APAF1: variants seen among roughly 807,000 people sequenced by gnomAD.
The protein encoded by APAF1 is apoptotic peptidase activating factor 1.
A neutral mutation model predicts 152.4 loss-of-function variants in APAF1; 91 were observed. The observed-to-expected ratio is 0.60, with a 90% CI of 0.50 to 0.71. The LOEUF (loss-of-function observed/expected upper bound fraction) is 0.71. APAF1 is among the 30% of genes least tolerant of loss of function. APAF1 has a pLI of 0.00. For synonymous variants in APAF1, 484 were observed against 494.1 expected, an observed-to-expected ratio of 0.98 and a Z score of 0.27; for missense variants, 1,283 against 1,472.0, an observed-to-expected ratio of 0.87 and a Z score of 2.10.
intron 16 of APAF1, among the ~76,000 whole-genome samples, chr12:98,692,144 G>A (rs2097704926): frequency 3.3e-5 from 5 of 151,848 alleles, no homozygotes; most frequent in South Asian, 2.1e-4. Flanking sequence ...GTGCAGTGGC[G>A]CGATCTCGGC....
intron 16 of APAF1, among the ~76,000 whole-genome samples, chr12:98,692,797 G>T (rs1386078850): frequency 6.6e-6 from 1 of 152,092 alleles, no homozygotes; most frequent in Non-Finnish European, 1.5e-5. Context: ...TCCGTTGATG[G>T]GCACCTAGGT....
Position 98,732,819 on chromosome 12 carries a change from CTTG to C in APAF1, c.*258_*260del, listed in dbSNP as rs1184165863. 3 of 428,990 alleles carry C rather than the reference CTTG, an allele frequency of 7.0e-6. No homozygotes were observed. The highest frequency in any genetic ancestry group is 9.7e-5 in the East Asian group (2 of 20,658). The allele number at this position is 428,990 out of a possible 1,614,324, so 26.6% of individuals were successfully genotyped here. ...TGCAAATGAAAATGTGAATACATAC[CTTG>C]TTGTACTGTTGGTAAAATTCTGTCT... is the stretch of plus-strand genomic sequence containing the variant. On this transcript the variant is annotated 3_prime_UTR_variant, in exon 27 of 27. Transcript: ENST00000551964.
In APAF1 at chr12:98,649,485, A is replaced by G. The variant is rs1230248727; in HGVS notation, c.329-2A>G. 6.2e-7 allele frequency: 1 copy of G among 1,613,992 alleles called. No individual in the cohort carries two copies. Among genetic ancestry groups the G allele is most frequent in the Non-Finnish European group, 8.5e-7 (1 of 1,179,888 alleles). ...TCATGCTTGTTTTGTTTTGGATTTT[A>G]GTAAGGACAGTCCTGTGTGAAGGTG... On this transcript the variant is annotated splice_acceptor_variant, in intron 3 of 26. Transcript: ENST00000551964. LOFTEE classifies it high-confidence loss of function.
At chr12:98,710,596 T>G (rs2097726920) in intron 20 of APAF1, among the ~76,000 whole-genome samples, 2 of 152,154 alleles carry the variant, frequency 1.3e-5, no homozygotes, top group South Asian at 2.1e-4. Flanking sequence ...CAAAAAATTT[T>G]TTTTTGTAGA....
At chr12:98,723,513 A>G in intron 23 of APAF1, 126 bp from the exon 24 acceptor site, 5 of 1,019,388 alleles carry the variant, frequency 4.9e-6, no homozygotes, top group South Asian at 1.5e-5. Context: ...TTTAAAGTAA[A>G]GGGGTCAGAA....
At chr12:98,708,437 A>C (rs1458349563) in intron 19 of APAF1, 148 bp from the exon 20 acceptor site, 2 of 826,910 alleles carry the variant, frequency 2.4e-6, no homozygotes, top group Admixed American at 5.4e-5. Context: ...AGATTGTGTT[A>C]GTAAATATTT....
Position 98,727,240 on chromosome 12 carries a change from C to A in APAF1, c.3524C>A (p.Thr1175Asn). 6.2e-7 allele frequency: 1 copy of A among 1,614,096 alleles called. No individual in the cohort carries two copies. Among genetic ancestry groups the A allele is most frequent in the Non-Finnish European group, 8.5e-7 (1 of 1,179,968 alleles). Residue 1175 changes from threonine to asparagine, a missense_variant, in exon 26 of 27, where the codon ACC (threonine) becomes AAC (asparagine). Transcript: ENST00000551964. The stretch of plus-strand genomic sequence containing the variant: ...CCGCTTTCAGAAGAAGGAGCTGCTA[C>A]CCATGGAGGCTGGGTGACTGACCTT... Reference protein sequence around the residue: ...CAPLSEEGAATHGGWVTDLCF... With the variant: ...CAPLSEEGAANHGGWVTDLCF...
At chr12:98,672,919 C>T (rs1242138334) in intron 12 of APAF1, among the ~76,000 whole-genome samples, 2 of 151,394 alleles carry the variant, frequency 1.3e-5, no homozygotes, top group African/African-American at 2.4e-5. Flanking sequence ...CACGCCTGGC[C>T]GATTTTGTAT....
chr12:98,727,277 A>G lies in APAF1; in HGVS notation c.3561A>G (p.Pro1187=). Residue 1187 remains proline, a synonymous_variant, in exon 26 of 27, where the codon CCA becomes CCG. Coordinates refer to ENST00000551964, the MANE Select transcript of APAF1 (RefSeq NM_181861.2). ...GGWVTDLCFS[P]DGKMLISAGG... is the part of the protein sequence containing the mutation. Reference sequence around the variant, plus strand: ...GGGTGACTGACCTTTGCTTTTCTCCAGATGGCAAAATGCTTATCTCTGCTG... The same window carrying G: ...GGGTGACTGACCTTTGCTTTTCTCCGGATGGCAAAATGCTTATCTCTGCTG... The G allele has an allele frequency of 6.2e-7, 1 of 1,614,204 alleles. No individual in the cohort carries two copies. The highest frequency in any genetic ancestry group is 8.5e-7 in the Non-Finnish European group (1 of 1,180,018).
intron 20 of APAF1, among the ~76,000 whole-genome samples, 161 bp downstream of exon 20, chr12:98,708,865 C>T (rs1399484170): frequency 6.6e-6 from 1 of 152,158 alleles, no homozygotes; most frequent in Non-Finnish European, 1.5e-5. Context: ...TGAGCTGAGG[C>T]TCAGATATGC....
intron 16 of APAF1, among the ~76,000 whole-genome samples, chr12:98,687,329 T>C (rs1485050525): frequency 2.0e-5 from 3 of 148,766 alleles, no homozygotes; most frequent in African/African-American, 7.5e-5. Flanking sequence ...GCCACTCCAC[T>C]CCAGCCTGGG....
chr12:98,647,352 A>G (rs143938593), intron 1 of APAF1, among the ~76,000 whole-genome samples: 28 of 151,942 alleles, frequency 1.8e-4, no homozygotes, highest in South Asian at 4.2e-4. Flanking sequence ...CTAAACGTCT[A>G]TATATATTCA....
intron 16 of APAF1, among the ~76,000 whole-genome samples, chr12:98,696,604 T>C (rs760996447): frequency 7.9e-5 from 12 of 152,350 alleles, no homozygotes; most frequent in Middle Eastern, 3.4e-3. Context: ...CCCTATTTCT[T>C]TCAGCAACAC....
At chr12:98,702,577 C>T (rs969030492) in intron 17 of APAF1, among the ~76,000 whole-genome samples, 1 of 152,018 alleles carries the variant, frequency 6.6e-6, no homozygotes, top group Non-Finnish European at 1.5e-5. Flanking sequence ...GTAATCCCAG[C>T]ACTTTGGGAG....
chr12:98,649,537 G>C lies in APAF1; in HGVS notation c.379G>C (p.Val127Leu). Residue 127 changes from valine to leucine, a missense_variant, in exon 4 of 27, where the codon GTC becomes CTC. By Grantham distance (32) the Val-to-Leu change is conservative. Coordinates refer to ENST00000551964, the MANE Select transcript of APAF1 (RefSeq NM_181861.2). Reference protein sequence around the residue: ...GGVPQRPVVFVTRKKLVNAIQ... With the variant: ...GGVPQRPVVFLTRKKLVNAIQ... The stretch of plus-strand genomic sequence containing the variant: ...AGTACCACAGAGGCCAGTTGTTTTT[G>C]TCACAAGGAAGAAGCTGGTGAATGC... The C allele has an allele frequency of 6.2e-7, 1 of 1,614,190 alleles. No homozygotes were observed. The highest frequency in any genetic ancestry group is 8.5e-7 in the Non-Finnish European group (1 of 1,180,032).
chr12:98,699,550 C>A lies in APAF1; in HGVS notation c.2447C>A (p.Ala816Glu), dbSNP rs1322540971. Reference protein sequence around the residue: ...WSADGARIMVAAKNKIFLFDI... With the variant: ...WSADGARIMVEAKNKIFLFDI... ...GCTGATGGTGCAAGGATAATGGTGG[C>A]AGCAAAAAATAAAATCTTTGTAAGT... The change falls in exon 17 of 27, where the codon GCA becomes GAA. Residue 816 changes from alanine to glutamate, a missense_variant. Coordinates refer to ENST00000551964, the MANE Select transcript of APAF1 (RefSeq NM_181861.2). 1 of 1,614,086 alleles carries A rather than the reference C, an allele frequency of 6.2e-7. No homozygotes were observed. The highest frequency in any genetic ancestry group is 8.5e-7 in the Non-Finnish European group (1 of 1,180,016).
intron 4 of APAF1, among the ~76,000 whole-genome samples, chr12:98,654,377 C>T (rs2097653683): frequency 6.6e-6 from 1 of 152,030 alleles, no homozygotes; most frequent in African/African-American, 2.4e-5. Context: ...TATCAGGATG[C>T]TTTCTTTACC....
At chr12:98,665,997 A>C (rs990030125) in intron 8 of APAF1, among the ~76,000 whole-genome samples, 193 bp from the exon 9 acceptor site, 4 of 152,214 alleles carry the variant, frequency 2.6e-5, no homozygotes, top group Non-Finnish European at 5.9e-5. Context: ...CTGTGGTTCT[A>C]GTGCAGCTGA....
At chr12:98,690,413 G>C (rs905220623) in intron 16 of APAF1, among the ~76,000 whole-genome samples, 1 of 152,166 alleles carries the variant, frequency 6.6e-6, no homozygotes, top group African/African-American at 2.4e-5. Flanking sequence ...CAGAATACCC[G>C]TGGATGGATT....
Sources: allele counts gnomAD v4.1 joint callset (sites outside exome capture counted in the v4.1 genomes callset), GRCh38; gene constraint gnomAD v4.1.1; transcripts MANE v1.5; gene names NCBI Gene and HGNC (gene_info 2026-07-23, HGNC 2026-07-21).